The following MTA2 variants were observed in gnomAD, a reference collection of about 807,000 sequenced individuals.
MTA2 encodes the protein metastasis-associated protein MTA2.
In MTA2, 22 loss-of-function variants were observed where a neutral mutation model predicts 87.1. That is an observed-to-expected ratio of 0.25 (90% CI 0.18 to 0.36). The LOEUF is 0.36. MTA2 is among the 10% of genes least tolerant of loss of function. The pLI is 1.00. For synonymous variants in MTA2, 314 were observed against 310.1 expected, an observed-to-expected ratio of 1.01 and a Z score of -0.13; for missense variants, 542 against 853.2, an observed-to-expected ratio of 0.64 and a Z score of 4.54.
chr11:62,596,132 G>A (rs1466921765), intron 11 of MTA2, 25 bp from the exon 12 acceptor site: 12 of 1,611,544 alleles, frequency 7.4e-6, no homozygotes, highest in Admixed American at 1.7e-5. Context: ...GAGGAGAAGG[G>A]AAAAAAACAA....
intron 15 of MTA2, 107 bp from the exon 16 acceptor site, chr11:62,594,741 G>C (rs1942074837): frequency 1.9e-6 from 2 of 1,057,630 alleles, no homozygotes; most frequent in Non-Finnish European, 2.8e-6. Flanking sequence ...ATCCCCAAAA[G>C]TAGCAATGGG....
At chr11:62,600,307 T>C in intron 2 of MTA2, 48 bp from the exon 3 acceptor site, 1 of 1,522,376 alleles carries the variant, frequency 6.6e-7, no homozygotes, top group South Asian at 1.1e-5. Context: ...CAGTGGAAAT[T>C]GATCATCTGG....
rs779185124 is a variant in MTA2, at chr11:62,597,368, C to T, written c.641G>A (p.Arg214Gln). 6.2e-7 allele frequency: 1 copy of T among 1,611,890 alleles called. No homozygotes were observed. Among genetic ancestry groups the T allele is most frequent in the African/African-American group, 1.3e-5 (1 of 74,754 alleles). ...TGCACTCATGTGCAAGCTTGGCTGC[C>T]GAATGGAGCTGCTACAATCTAGGGC... Reference protein sequence around the residue: ...ARALDCSSSIRQPSLHMSAAA... With the variant: ...ARALDCSSSIQQPSLHMSAAA... The change falls in exon 8 of 18, where the codon CGG (arginine) becomes CAG (glutamine). Residue 214 changes from arginine (R) to glutamine (Q), a missense_variant. Arg to Gln is a conservative substitution (Grantham distance 43). This residue lies in a region of MTA2 where 44 missense variants were observed against 104.8 expected (regional missense o/e 0.42). Coordinates refer to ENST00000278823, the MANE Select transcript of MTA2 (RefSeq NM_004739.4).
chr11:62,599,795 T>TA (rs1024240936), intron 3 of MTA2, among the ~76,000 whole-genome samples: 13 of 152,176 alleles, frequency 8.5e-5, no homozygotes, highest in African/African-American at 3.1e-4. Context: ...GCTTCTCTGT[T>TA]ACGCAGGCTT....
chr11:62,594,885 A>G, intron 15 of MTA2, 96 bp downstream of exon 15: 1 of 1,133,772 alleles, frequency 8.8e-7, no homozygotes, highest in Non-Finnish European at 1.3e-6. Flanking sequence ...TAAATCTCTG[A>G]GGACACTATG....
At chr11:62,600,448 G>C in intron 2 of MTA2, 174 bp downstream of exon 2, 2 of 798,610 alleles carry the variant, frequency 2.5e-6, no homozygotes, top group Non-Finnish European at 4.0e-6. Flanking sequence ...GCCCCCAAGA[G>C]ACAGAATAGT....
rs1274014837 is a variant in MTA2, at chr11:62,595,090, G to T, written c.1484-20C>A. 1 of 1,611,628 alleles carries T rather than the reference G, an allele frequency of 6.2e-7. No homozygotes were observed. The highest frequency in any genetic ancestry group is 1.7e-5 in the Admixed American group (1 of 59,686). ...TGGAGCCTGGAGAACAAAGAAGAAA[G>T]CTTCTGAAGGGCTTCACCATTCAGG... On this transcript the variant is annotated intron_variant, in intron 14 of 17. Transcript: ENST00000278823. This position sits in a 1 kb window ranked among gnomAD's most constrained non-coding sequence, Gnocchi z 4.9.
intron 3 of MTA2, among the ~76,000 whole-genome samples, chr11:62,599,595 T>C (rs1366469856): frequency 1.3e-5 from 2 of 151,146 alleles, no homozygotes; most frequent in Admixed American, 6.6e-5. Flanking sequence ...AAGGAAAATA[T>C]GTTTTTTAAA....
At position 62,598,006 on chromosome 11, in the gene MTA2, T is replaced by C. The variant is rs201109167; in HGVS notation, c.490+18A>G. On this transcript the variant is annotated intron_variant, in intron 6 of 17. Coordinates refer to ENST00000278823, the MANE Select transcript of MTA2 (RefSeq NM_004739.4). The stretch of plus-strand genomic sequence containing the variant: ...ATTAGACAACCTGGTAGCCGTACAG[T>C]CTTGTCCTGTTGCTTACCCTCTACT... 18 of 1,595,346 alleles carry C rather than the reference T, an allele frequency of 1.1e-5. No individual in the cohort carries two copies. The Middle Eastern group carries it at 6.6e-4, about 59-fold the overall frequency.
chr11:62,599,734 A>G (rs992405058), intron 3 of MTA2, among the ~76,000 whole-genome samples: 1 of 152,158 alleles, frequency 6.6e-6, no homozygotes, highest in African/African-American at 2.4e-5. Flanking sequence ...ACTTCCAGCC[A>G]TCTTCTAACT....
intron 3 of MTA2, 64 bp downstream of exon 3, chr11:62,600,102 T>C: frequency 6.8e-7 from 1 of 1,462,634 alleles, no homozygotes; most frequent in Non-Finnish European, 9.5e-7. Flanking sequence ...GGGAAATACC[T>C]GCAGGGACAT....
chr11:62,597,797 T>C, intron 6 of MTA2, 85 bp from the exon 7 acceptor site: 6 of 1,127,564 alleles, frequency 5.3e-6, no homozygotes, highest in Non-Finnish European at 7.9e-6. Flanking sequence ...ACCTCCTCCT[T>C]CTCTTCTTCT....
At position 62,596,361 on chromosome 11, in the gene MTA2, G is replaced by A. The variant is rs756874993; in HGVS notation, c.958-24C>T. 8 of 1,613,970 alleles carry A rather than the reference G, an allele frequency of 5.0e-6. No homozygotes were observed. In the African/African-American group the frequency reaches 5.3e-5, roughly 11 times the overall value. On this transcript the variant is annotated intron_variant, in intron 10 of 17. Coordinates refer to ENST00000278823, the MANE Select transcript of MTA2 (RefSeq NM_004739.4). ...TTCTGTAAGAAGGTAAAAAGAAAGAGAAGGATCAGAGCCTCATAGCAGGGA... is the reference window on the plus strand; with the variant it reads ...TTCTGTAAGAAGGTAAAAAGAAAGAAAAGGATCAGAGCCTCATAGCAGGGA...
intron 1 of MTA2, 44 bp downstream of exon 1, chr11:62,601,379 A>G (rs748982056): frequency 6.3e-7 from 1 of 1,597,368 alleles, no homozygotes; most frequent in South Asian, 1.1e-5. Context: ...CCCTACCCCA[A>G]CCTCTCCCGC....
Position 62,594,602 on chromosome 11 carries a change from G to C in MTA2, c.1606C>G (p.Arg536Gly), listed in dbSNP as rs1256528549. Residue 536 changes from arginine (R) to glycine (G), a missense_variant, in exon 16 of 18, where the codon CGG (arginine) becomes GGG (glycine). This residue lies in a region of MTA2 where 269 missense variants were observed against 346.4 expected (regional missense o/e 0.78). Coordinates refer to ENST00000278823, the MANE Select transcript of MTA2 (RefSeq NM_004739.4). ...AQAPLKPKTP[R>G]GTKTPINRNQ... The stretch of plus-strand genomic sequence containing the variant: ...CTGTTGATCGGTGTCTTGGTACCCC[G>C]AGGTGTTTTTGGTTTCAGGGGTGCC... 6.2e-7 allele frequency: 1 copy of C among 1,614,072 alleles called. No homozygotes were observed. The highest frequency in any genetic ancestry group is 8.5e-7 in the Non-Finnish European group (1 of 1,180,020).
At chr11:62,601,301 G>C in intron 1 of MTA2, 122 bp downstream of exon 1, 1 of 1,281,900 alleles carries the variant, frequency 7.8e-7, no homozygotes, top group Non-Finnish European at 1.1e-6. Context: ...TCCGGTTCCG[G>C]TCCGCGCTCC....
chr11:62,596,130 G>A, intron 11 of MTA2, 23 bp from the exon 12 acceptor site: 1 of 1,612,442 alleles, frequency 6.2e-7, no homozygotes, highest in Non-Finnish European at 8.5e-7. Context: ...GCGAGGAGAA[G>A]GGAAAAAAAC....
Position 62,597,746 on chromosome 11 carries a change from G to C in MTA2, c.491-34C>G, listed in dbSNP as rs202176187. The C allele has an allele frequency of 1.2e-5, 19 of 1,560,910 alleles. No homozygotes were observed. In the East Asian group the frequency reaches 2.7e-4, roughly 22 times the overall value. ...AAGAACAATGGCATCAACAGGGAGA[G>C]GGCAGGGGGGAACAGTTGGTGTCTT... On this transcript the variant is annotated intron_variant, in intron 6 of 17. Transcript: ENST00000278823.
At position 62,601,799 on chromosome 11, in the gene MTA2, C is replaced by A; in HGVS notation, c.-349G>T. ...CTCTGCCGGCCGCAGGGAAGGCTTG[C>A]CGGGCCCGCCTCAGGGTTCGCCTCC... is the stretch of plus-strand genomic sequence containing the variant. On this transcript the variant is annotated 5_prime_UTR_variant, in exon 1 of 18. Transcript: ENST00000278823. 1 of 503,606 alleles carries A rather than the reference C, an allele frequency of 2.0e-6. No homozygotes were observed. 31.2% of individuals were successfully genotyped at this position (503,606 alleles called of 1,614,324 possible).
Sources: gnomAD v4.1 joint callset for allele counts (sites outside exome capture counted in the v4.1 genomes callset) on GRCh38, gnomAD v4.1.1 for gene constraint, gnomAD v4.1.1 regional missense constraint, Gnocchi (gnomAD v3.1) non-coding constraint, MANE v1.5 for transcripts, NCBI Gene and HGNC (gene_info 2026-07-23, HGNC 2026-07-21) for gene names.